FMO1: variants seen among roughly 807,000 people sequenced by gnomAD.
FMO1 encodes the protein flavin-containing monooxygenase 1.
FMO1 carries 36 observed loss-of-function variants against 45.4 expected under a neutral mutation model. The ratio of observed to expected loss-of-function variants is 0.79; its 90% CI spans 0.61 to 1.05. FMO1 has a LOEUF of 1.05. Among genes scored for constraint, FMO1 ranks in the 50% least tolerant of loss-of-function variants. FMO1 has a pLI of 0.00. For missense variants in FMO1, 615 were observed against 640.3 expected (o/e 0.96, Z 0.43); for synonymous variants, 228 against 227.2 (o/e 1.00, Z -0.03).
At chr1:171,253,042 G>A (rs983652249) in intron 1 of FMO1, among the ~76,000 whole-genome samples, 6 of 152,100 alleles carry the variant, frequency 3.9e-5, no homozygotes, top group African/African-American at 9.7e-5. Flanking sequence ...CTTTTCTCAC[G>A]TTTGACAACA....
chr1:171,282,229 A>G lies in FMO1; in HGVS notation c.1079A>G (p.His360Arg), dbSNP rs2101844098. 2 of 1,614,034 alleles carry G rather than the reference A, an allele frequency of 1.2e-6. No homozygotes were observed. Among genetic ancestry groups the G allele is most frequent in the East Asian group, 4.5e-5 (2 of 44,880 alleles). The change falls in exon 7 of 9, where the codon CAT becomes CGT. Residue 360 changes from histidine to arginine, a missense_variant. Transcript: ENST00000617670. ...CTGTACAAGTATATCTTCCCTGCAC[A>G]TCTGCAAAAGCCAACCCTGGCCATT... is the stretch of plus-strand genomic sequence containing the variant. Reference protein sequence around the residue: ...ASLYKYIFPAHLQKPTLAIIG... With the variant: ...ASLYKYIFPARLQKPTLAIIG...
intron 1 of FMO1, among the ~76,000 whole-genome samples, chr1:171,256,135 T>C (rs1660139764): frequency 6.6e-6 from 1 of 151,808 alleles, no homozygotes; most frequent in Non-Finnish European, 1.5e-5. Context: ...TAGCCAGGCA[T>C]GGTGGCGGGC....
At chr1:171,254,677 T>C (rs954953933) in intron 1 of FMO1, among the ~76,000 whole-genome samples, 5 of 152,124 alleles carry the variant, frequency 3.3e-5, no homozygotes, top group African/African-American at 4.8e-5. Flanking sequence ...TACTGTGGGG[T>C]CAGGCAGCTT....
Position 171,285,629 on chromosome 1 carries a change from TA to T in FMO1, c.*86del. ...CTTACAGCAATATTGCCTTCACAGT[TA>T]TAAACTGTATTCAAATAGTAAAGGC... is the stretch of plus-strand genomic sequence containing the variant. On this transcript the variant is annotated 3_prime_UTR_variant, in exon 9 of 9. Transcript: ENST00000617670. 7 of 814,966 alleles carry T rather than the reference TA, an allele frequency of 8.6e-6. No homozygotes were observed. The highest frequency in any genetic ancestry group is 1.3e-5 in the Non-Finnish European group (7 of 544,892). The allele number at this position is 814,966 out of a possible 1,614,324, so 50.5% of individuals were successfully genotyped here.
chr1:171,258,499 C>T (rs1415701501), intron 2 of FMO1, among the ~76,000 whole-genome samples: 1 of 152,184 alleles, frequency 6.6e-6, no homozygotes, highest in African/African-American at 2.4e-5. Context: ...AGTAACTGGG[C>T]CAGGCCAGGA....
chr1:171,271,164 C>T, intron 3 of FMO1: 1 of 864,984 alleles, frequency 1.2e-6, no homozygotes, highest in South Asian at 1.4e-5. Flanking sequence ...TTTCACAAGG[C>T]TGCTTGTCTT....
intron 3 of FMO1, among the ~76,000 whole-genome samples, chr1:171,274,081 G>A (rs999513188): frequency 4.6e-5 from 7 of 151,642 alleles, no homozygotes; most frequent in East Asian, 1.9e-4. Flanking sequence ...CCAGGGAAGC[G>A]GAGATTGCGG....
intron 2 of FMO1, among the ~76,000 whole-genome samples, chr1:171,260,856 G>T (rs1035541701): frequency 7.7e-5 from 11 of 143,526 alleles, no homozygotes; most frequent in African/African-American, 2.9e-4. Context: ...CTGGAACCTG[G>T]GGGACAAGAT....
At chr1:171,284,310 T>A (rs1661526960) in intron 8 of FMO1, among the ~76,000 whole-genome samples, 2 of 152,220 alleles carry the variant, frequency 1.3e-5, no homozygotes, top group South Asian at 4.1e-4. Flanking sequence ...TCCAAAACAA[T>A]AATAGCATTT....
At chr1:171,277,559 C>G (rs1330112243) in intron 4 of FMO1, among the ~76,000 whole-genome samples, 1 of 152,128 alleles carries the variant, frequency 6.6e-6, no homozygotes, top group Non-Finnish European at 1.5e-5. Flanking sequence ...TAAGAGACAG[C>G]CACAGAGTCT....
intron 5 of FMO1, among the ~76,000 whole-genome samples, chr1:171,279,248 A>C (rs1661254606): frequency 6.6e-6 from 1 of 152,060 alleles, no homozygotes; most frequent in South Asian, 2.1e-4. Flanking sequence ...CAACACCCTC[A>C]TCAGGTCCAT....
At chr1:171,275,285 A>G in intron 3 of FMO1, 61 bp from the exon 4 acceptor site, 4 of 1,347,486 alleles carry the variant, frequency 3.0e-6, no homozygotes, top group Non-Finnish European at 4.2e-6. Flanking sequence ...TGGTACATCA[A>G]CTGGCAAGTG....
chr1:171,275,119 A>T (rs967775224), intron 3 of FMO1, among the ~76,000 whole-genome samples: 1 of 152,200 alleles, frequency 6.6e-6, no homozygotes, highest in Non-Finnish European at 1.5e-5. Context: ...CAAATCACTT[A>T]AAATTTTTGG....
chr1:171,273,424 T>C (rs1007903929), intron 3 of FMO1, among the ~76,000 whole-genome samples: 1 of 152,238 alleles, frequency 6.6e-6, no homozygotes, highest in African/African-American at 2.4e-5. Flanking sequence ...AATGAATATA[T>C]ACAACATATA....
chr1:171,252,613 T>C (rs976640890), intron 1 of FMO1, among the ~76,000 whole-genome samples: 7 of 152,226 alleles, frequency 4.6e-5, no homozygotes, highest in African/African-American at 1.7e-4. Flanking sequence ...GATGCTGAAC[T>C]GGCCTTGTTT....
chr1:171,260,531 T>G (rs1244713071), intron 2 of FMO1, among the ~76,000 whole-genome samples: 1 of 151,894 alleles, frequency 6.6e-6, no homozygotes, highest in African/African-American at 2.4e-5. Context: ...AGGAAGAAGA[T>G]ATAAGAGCAC....
intron 2 of FMO1, among the ~76,000 whole-genome samples, chr1:171,263,347 A>C (rs1341670842): frequency 6.6e-6 from 1 of 152,234 alleles, no homozygotes; most frequent in East Asian, 1.9e-4. Context: ...AGAAGTTAAG[A>C]AAATTCCCAG....
intron 1 of FMO1, among the ~76,000 whole-genome samples, chr1:171,251,967 C>A (rs1659916804): frequency 6.6e-6 from 1 of 152,096 alleles, no homozygotes; most frequent in Non-Finnish European, 1.5e-5. Context: ...TGCATTTGCA[C>A]GTGAAATCGC....
At chr1:171,282,989 C>T (rs1165976147) in intron 7 of FMO1, 155 bp from the exon 8 acceptor site, 3 of 544,098 alleles carry the variant, frequency 5.5e-6, no homozygotes, top group Non-Finnish European at 9.9e-6. Context: ...AGCATACAAC[C>T]AGTCAGCTCA....
Sources: gnomAD v4.1 joint callset for allele counts (sites outside exome capture counted in the v4.1 genomes callset) on GRCh38, gnomAD v4.1.1 for gene constraint, MANE v1.5 for transcripts, NCBI Gene and HGNC (gene_info 2026-07-23, HGNC 2026-07-21) for gene names.